C6: variants seen among roughly 807,000 people sequenced by gnomAD.
The protein encoded by C6 is complement C6.
A neutral mutation model predicts 112.9 loss-of-function variants in C6; 101 were observed. The ratio of observed to expected loss-of-function variants is 0.89; its 90% CI spans 0.76 to 1.06. C6 has a LOEUF of 1.06. Among genes scored for constraint, C6 ranks in the 50% least tolerant of loss-of-function variants. C6 has a pLI of 0.00. For synonymous variants in C6, 431 were observed against 384.1 expected, an observed-to-expected ratio of 1.12 and a Z score of -1.43; for missense variants, 1,202 against 1,104.6, an observed-to-expected ratio of 1.09 and a Z score of -1.25.
At chr5:41,254,359 C>A (rs978968783) in intron 1 of C6, among the ~76,000 whole-genome samples, 1 of 152,028 alleles carries the variant, frequency 6.6e-6, no homozygotes, top group African/African-American at 2.4e-5. Context: ...TGAGCCGAGA[C>A]TGCACCACTG....
At chr5:41,166,080 G>GC (rs1561117965) in intron 9 of C6, among the ~76,000 whole-genome samples, 2 of 151,988 alleles carry the variant, frequency 1.3e-5, no homozygotes, top group Non-Finnish European at 2.9e-5. Flanking sequence ...AAACTACAAT[G>GC]TTCTTTATAA....
chr5:41,214,670 G>T (rs1303865174), upstream of C6, among the ~76,000 whole-genome samples: 2 of 152,100 alleles, frequency 1.3e-5, no homozygotes, highest in African/African-American at 2.4e-5. Flanking sequence ...TTGGTGATTG[G>T]ACAAGAATAT....
chr5:41,150,101 A>T (rs1374054898), intron 15 of C6, 76 bp from the exon 16 acceptor site: 3 of 935,710 alleles, frequency 3.2e-6, no homozygotes, highest in Non-Finnish European at 5.3e-6. Context: ...TTCAGAGAAG[A>T]GGCAGTGGTA....
intron 1 of C6, among the ~76,000 whole-genome samples, chr5:41,205,011 T>C (rs766770616): frequency 4.6e-5 from 7 of 152,170 alleles, no homozygotes; most frequent in Non-Finnish European, 7.4e-5. Context: ...ACCAAATCCA[T>C]TGACGTATGG....
At chr5:41,206,426 C>T (rs1751439886) in intron 1 of C6, among the ~76,000 whole-genome samples, 1 of 152,188 alleles carries the variant, frequency 6.6e-6, no homozygotes, top group Non-Finnish European at 1.5e-5. Flanking sequence ...ACAGACTTCT[C>T]TGAGCTAAAG....
intron 1 of C6, chr5:41,212,789 T>C (rs1752029685): frequency 6.6e-6 from 1 of 152,208 alleles, no homozygotes; most frequent in Non-Finnish European, 1.5e-5. Flanking sequence ...CCATTGATGA[T>C]AGCTTTATGA....
intron 9 of C6, among the ~76,000 whole-genome samples, chr5:41,167,830 C>T (rs990825842): frequency 6.6e-6 from 1 of 152,000 alleles, no homozygotes; most frequent in Non-Finnish European, 1.5e-5. Flanking sequence ...TCACTGATGC[C>T]TTAGGAAAAG....
chr5:41,169,427 C>T (rs4957375), intron 9 of C6, among the ~76,000 whole-genome samples: 25,482 of 152,052 alleles, frequency 0.17, 2,765 homozygotes, highest in South Asian at 0.28. Flanking sequence ...AAACTGAAAC[C>T]CAGAACGGCT....
At chr5:41,209,789 G>T (rs1303710155) in intron 1 of C6, among the ~76,000 whole-genome samples, 2 of 152,126 alleles carry the variant, frequency 1.3e-5, no homozygotes, top group East Asian at 3.9e-4. Context: ...TGGCCATACT[G>T]CTCAAGGTAA....
At chr5:41,226,559 C>T (rs946885730) in intron 1 of C6, among the ~76,000 whole-genome samples, 3 of 152,160 alleles carry the variant, frequency 2.0e-5, no homozygotes, top group African/African-American at 7.2e-5. Flanking sequence ...ACTTGTTCCT[C>T]CTGTCTAACT....
At chr5:41,192,425 C>T (rs750091865) in intron 5 of C6, among the ~76,000 whole-genome samples, 24 of 152,098 alleles carry the variant, frequency 1.6e-4, no homozygotes, top group South Asian at 6.2e-4. Flanking sequence ...AGTTCCCTTT[C>T]GATTTTTTGG....
chr5:41,172,636 G>A, intron 8 of C6: 2 of 485,548 alleles, frequency 4.1e-6, no homozygotes, highest in East Asian at 4.0e-5. Context: ...CCATGGGGAT[G>A]GTGATGTCCT....
chr5:41,150,058 T>G, intron 15 of C6, 33 bp from the exon 16 acceptor site: 1 of 1,301,334 alleles, frequency 7.7e-7, no homozygotes, highest in Non-Finnish European at 1.1e-6. Flanking sequence ...AAAAGAACAG[T>G]GCACAGCATG....
intron 4 of C6, among the ~76,000 whole-genome samples, chr5:41,196,800 C>T (rs1355920717): frequency 6.6e-6 from 1 of 151,978 alleles, no homozygotes; most frequent in African/African-American, 2.4e-5. Context: ...GTACAAATTC[C>T]ATGTACCCAA....
rs1281394230 is a variant in C6, at chr5:41,142,767, G to T, written c.*58C>A. Reference sequence around the variant, plus strand: ...TTTGTGCAAGAATTCTCATTTGTAGGAGTTGGTTCTTCGGGATGGTAAATC... The same window carrying T: ...TTTGTGCAAGAATTCTCATTTGTAGTAGTTGGTTCTTCGGGATGGTAAATC... On this transcript the variant is annotated 3_prime_UTR_variant, in exon 18 of 18. Coordinates refer to ENST00000337836, the MANE Select transcript of C6 (RefSeq NM_000065.5). 5 of 1,283,092 alleles carry T rather than the reference G, an allele frequency of 3.9e-6. No homozygotes were observed. Among genetic ancestry groups the T allele is most frequent in the South Asian group, 1.2e-5 (1 of 84,592 alleles). 79.5% of individuals were successfully genotyped at this position (1,283,092 alleles called of 1,614,324 possible). A position where few individuals can be genotyped will look rare whatever the true frequency, so the allele number is the denominator to read the frequency against.
At position 41,210,711 on chromosome 5, in the gene C6, T is replaced by C. The variant is rs565440670; in HGVS notation, c.-21+2665A>G. ...AGATACCATCTCACACCAGTTAGAA[T>C]GGCGATCATTAAAAAGTGAGGAAAC... On this transcript the variant is annotated intron_variant, in intron 1 of 17. Coordinates refer to ENST00000337836, the MANE Select transcript of C6 (RefSeq NM_000065.5). Among the ~76,000 whole-genome samples, 8 of 152,224 alleles carry C rather than the reference T, an allele frequency of 5.3e-5. No homozygotes were observed. In the East Asian group the frequency reaches 1.5e-3, roughly 29 times the overall value.
At chr5:41,229,492 C>T (rs1213916671) in intron 1 of C6, among the ~76,000 whole-genome samples, 1 of 151,770 alleles carries the variant, frequency 6.6e-6, no homozygotes, top group East Asian at 1.9e-4. Flanking sequence ...TCAAATTTTC[C>T]TCCTGTTATT....
chr5:41,225,085 T>C (rs1039639827), intron 1 of C6, among the ~76,000 whole-genome samples: 1 of 152,202 alleles, frequency 6.6e-6, no homozygotes, highest in Non-Finnish European at 1.5e-5. Context: ...TAAATTATAC[T>C]TTAAGTTTTA....
chr5:41,185,659 C>T (rs1041497665), intron 6 of C6, among the ~76,000 whole-genome samples: 1 of 152,072 alleles, frequency 6.6e-6, no homozygotes, highest in Non-Finnish European at 1.5e-5. Context: ...TCTTATGAGC[C>T]TGGCACTTTA....
Sources: allele counts gnomAD v4.1 joint callset (sites outside exome capture counted in the v4.1 genomes callset), GRCh38; gene constraint gnomAD v4.1.1; transcripts MANE v1.5; gene names NCBI Gene and HGNC (gene_info 2026-07-23, HGNC 2026-07-21).